ADGRG6: variants seen among roughly 807,000 people sequenced by gnomAD.
ADGRG6 encodes adhesion G protein-coupled receptor G6, also known as G-protein coupled receptor 126.
In ADGRG6, 84 loss-of-function variants were observed where a neutral mutation model predicts 142.4. The ratio of observed to expected loss-of-function variants is 0.59; its 90% CI spans 0.49 to 0.71. The LOEUF is 0.71. Among genes scored for constraint, ADGRG6 ranks in the 30% least tolerant of loss-of-function variants. ADGRG6 has a pLI of 0.00. For synonymous variants in ADGRG6, 521 were observed against 520.5 expected (o/e 1.00, Z -0.01); for missense variants, 1,367 against 1,466.6 (o/e 0.93, Z 1.11).
In ADGRG6 at chr6:142,402,076, CT is replaced by C; in HGVS notation, c.1744+21del. On this transcript the variant is annotated intron_variant, in intron 12 of 24. Coordinates refer to ENST00000367609, the MANE Select transcript of ADGRG6 (RefSeq NM_198569.3). ...CTGTTTAAGTAAGTGAGCAGTTTTCCTTTATTTCTCAAGGACAAAATGACAT... is the reference window on the plus strand; with the variant it reads ...CTGTTTAAGTAAGTGAGCAGTTTTCCTTATTTCTCAAGGACAAAATGACAT... 1 of 1,336,452 alleles carries C rather than the reference CT, an allele frequency of 7.5e-7. No homozygotes were observed. Among genetic ancestry groups the C allele is most frequent in the Non-Finnish European group, 1.1e-6 (1 of 946,852 alleles). The allele number at this position is 1,336,452 out of a possible 1,614,324, so 82.8% of individuals were successfully genotyped here. A position where few individuals can be genotyped will look rare whatever the true frequency, so the allele number is the denominator to read the frequency against.
chr6:142,423,351 A>C (rs1776759039), intron 22 of ADGRG6, among the ~76,000 whole-genome samples: 1 of 151,548 alleles, frequency 6.6e-6, no homozygotes, highest in Non-Finnish European at 1.5e-5. Context: ...TATAAGGTGT[A>C]AGGAAGGGAT....
intron 2 of ADGRG6, among the ~76,000 whole-genome samples, chr6:142,315,401 A>T (rs1777995036): frequency 6.6e-6 from 1 of 152,000 alleles, no homozygotes; most frequent in African/African-American, 2.4e-5. Flanking sequence ...CCAAAGACAA[A>T]CCCCAATATA....
chr6:142,402,706 G>A lies in ADGRG6; in HGVS notation c.1831G>A (p.Glu611Lys). The A allele has an allele frequency of 6.2e-7, 1 of 1,606,872 alleles. No homozygotes were observed. Among genetic ancestry groups the A allele is most frequent in the East Asian group, 2.2e-5 (1 of 44,702 alleles). Residue 611 changes from glutamate to lysine, a missense_variant, in exon 13 of 25, where the codon GAA (glutamate) becomes AAA (lysine). Glu to Lys is a moderately conservative substitution (Grantham distance 56). Transcript: ENST00000367609. The part of the protein sequence containing the change: ...LTSANITNIV[E>K]QVKRIVNKEE... ...CTCAGCCAATATTACCAACATTGTGGAACAGGTCAAAAGAATTGTGAATAA... is the reference window on the plus strand; with the variant it reads ...CTCAGCCAATATTACCAACATTGTGAAACAGGTCAAAAGAATTGTGAATAA...
intron 10 of ADGRG6, among the ~76,000 whole-genome samples, chr6:142,398,796 A>G (rs1775343260): frequency 1.3e-5 from 2 of 152,214 alleles, no homozygotes; most frequent in African/African-American, 2.4e-5. Flanking sequence ...CATGCTGTCC[A>G]GATGCCTAGA....
chr6:142,352,802 T>G (rs1780254318), intron 2 of ADGRG6, among the ~76,000 whole-genome samples: 1 of 152,134 alleles, frequency 6.6e-6, no homozygotes, highest in Non-Finnish European at 1.5e-5. Flanking sequence ...TCTCCCCTTT[T>G]TTTTGCTTTT....
chr6:142,403,117 C>T (rs935031809), intron 13 of ADGRG6, among the ~76,000 whole-genome samples: 1 of 151,474 alleles, frequency 6.6e-6, no homozygotes, highest in African/African-American at 2.4e-5. Context: ...TTATAAAATT[C>T]TAAATTTAGT....
intron 22 of ADGRG6, among the ~76,000 whole-genome samples, chr6:142,433,591 T>A (rs1186692757): frequency 1.3e-5 from 2 of 152,148 alleles, no homozygotes; most frequent in Non-Finnish European, 2.9e-5. Flanking sequence ...AGAAAATCTT[T>A]CCTTACTCTG....
At chr6:142,416,538 T>C (rs1776367414) in intron 20 of ADGRG6, among the ~76,000 whole-genome samples, 1 of 152,188 alleles carries the variant, frequency 6.6e-6, no homozygotes, top group African/African-American at 2.4e-5. Context: ...TGTAATAACA[T>C]GAGTCCTCAG....
At chr6:142,394,096 C>CACTA (rs1775048538) in intron 9 of ADGRG6, 138 bp downstream of exon 9, 1 of 574,974 alleles carries the variant, frequency 1.7e-6, no homozygotes, top group African/African-American at 1.9e-5. Context: ...CACTGCTGTA[C>CACTA]ACTACTTTTT....
chr6:142,318,195 T>TA (rs1562307399), intron 2 of ADGRG6, among the ~76,000 whole-genome samples: 5 of 32,998 alleles, frequency 1.5e-4, no homozygotes, highest in Admixed American at 5.7e-4. Flanking sequence ...TATTATATAT[T>TA]TATATTATAT....
chr6:142,324,269 A>G (rs1286569269), intron 2 of ADGRG6, among the ~76,000 whole-genome samples: 3 of 152,086 alleles, frequency 2.0e-5, no homozygotes, highest in Non-Finnish European at 4.4e-5. Flanking sequence ...TGCATAGGAA[A>G]TTACACTTAA....
rs1187984870 is a variant in ADGRG6, at chr6:142,379,150, CTCT to C, written c.1070-2794_1070-2792del. Among the ~76,000 whole-genome samples, 3 of 152,208 alleles carry C rather than the reference CTCT, an allele frequency of 2.0e-5. No individual in the cohort carries two copies. The East Asian group carries it at 5.8e-4, about 29-fold the overall frequency. On this transcript the variant is annotated intron_variant, in intron 4 of 24. Transcript: ENST00000367609. ...GTTTACCCTACCCCACCTAAGTCTG[CTCT>C]TCTTCTGTTATTTCCTATCTCCTTT...
chr6:142,411,568 G>A (rs1048174869), intron 18 of ADGRG6, among the ~76,000 whole-genome samples, 157 bp downstream of exon 18: 3 of 152,070 alleles, frequency 2.0e-5, no homozygotes, highest in Admixed American at 2.0e-4. Context: ...AATCTAATTA[G>A]CAAAGATCAC....
At chr6:142,427,947 T>C (rs1009464737) in intron 22 of ADGRG6, among the ~76,000 whole-genome samples, 1 of 152,172 alleles carries the variant, frequency 6.6e-6, no homozygotes, top group East Asian at 1.9e-4. Flanking sequence ...GTGTGAGAAT[T>C]GTGGGAGTTA....
Position 142,390,256 on chromosome 6 carries a change from A to C in ADGRG6, c.1223-2A>C. On this transcript the variant is annotated splice_acceptor_variant, in intron 6 of 24. Coordinates refer to ENST00000367609, the MANE Select transcript of ADGRG6 (RefSeq NM_198569.3). LOFTEE classifies it high-confidence loss of function. ...TGGACTAATCCTATTTCCAATGGGC[A>C]GATGGAATTATCTATAGAATATCCG... 1 of 1,504,710 alleles carries C rather than the reference A, an allele frequency of 6.6e-7. No homozygotes were observed. The highest frequency in any genetic ancestry group is 9.2e-7 in the Non-Finnish European group (1 of 1,091,066). The allele number at this position is 1,504,710 out of a possible 1,614,324, so 93.2% of individuals were successfully genotyped here. A position where few individuals can be genotyped will look rare whatever the true frequency, so the allele number is the denominator to read the frequency against.
intron 4 of ADGRG6, among the ~76,000 whole-genome samples, chr6:142,375,271 A>T (rs144497137): frequency 5.0e-4 from 76 of 152,314 alleles, no homozygotes; most frequent in Non-Finnish European, 9.6e-4. Context: ...ATAAGTTTTC[A>T]AAGTAATTTT....
In ADGRG6 at chr6:142,344,111, ATGATTTATTATTCT is replaced by A. The variant is rs1273786021; in HGVS notation, c.104-23443_104-23430del. On this transcript the variant is annotated intron_variant, in intron 2 of 24. Transcript: ENST00000367609. ...AGAGATCCAGTTCACATGCTAATACATGATTTATTATTCTTGATTTATTATTCTGTGAAATGTGA... is the reference window on the plus strand; with the variant it reads ...AGAGATCCAGTTCACATGCTAATACATGATTTATTATTCTGTGAAATGTGA... Among the ~76,000 whole-genome samples, 118 of 151,926 alleles carry A rather than the reference ATGATTTATTATTCT, an allele frequency of 7.8e-4. 1 individual carries two copies. The highest frequency in any genetic ancestry group is 7.5e-3 in the Admixed American group (115 of 15,240).
chr6:142,359,717 C>T (rs1780626283), intron 2 of ADGRG6, among the ~76,000 whole-genome samples: 1 of 152,126 alleles, frequency 6.6e-6, no homozygotes, highest in African/African-American at 2.4e-5. Flanking sequence ...TGACTGTATT[C>T]CCAGAACCTG....
At chr6:142,401,003 G>T (rs1775494623) in intron 11 of ADGRG6, among the ~76,000 whole-genome samples, 1 of 152,076 alleles carries the variant, frequency 6.6e-6, no homozygotes, top group Admixed American at 6.6e-5. Flanking sequence ...ATCCAGATTG[G>T]GATAGTCTGC....
Sources: allele counts gnomAD v4.1 joint callset (sites outside exome capture counted in the v4.1 genomes callset), GRCh38; gene constraint gnomAD v4.1.1; transcripts MANE v1.5; gene names NCBI Gene and HGNC (gene_info 2026-07-23, HGNC 2026-07-21).